Variants in ABRAXAS1 observed in about 807,000 individuals in gnomAD.
The protein encoded by ABRAXAS1 is abraxas 1, BRCA1 A complex subunit, also known as BRCA1-A complex subunit Abraxas 1.
A neutral mutation model predicts 38.4 loss-of-function variants in ABRAXAS1; 26 were observed. The observed-to-expected ratio is 0.68, with a 90% CI of 0.50 to 0.94. ABRAXAS1 has a LOEUF of 0.94. Among genes scored for constraint, ABRAXAS1 ranks in the 40% least tolerant of loss-of-function variants. The pLI, the probability that ABRAXAS1 is intolerant of heterozygous loss-of-function variation, is 0.00. For missense variants in ABRAXAS1, 438 were observed against 481.9 expected (o/e 0.91, Z 0.85); for synonymous variants, 144 against 165.5 (o/e 0.87, Z 1.00).
At chr4:83,479,018 C>G (rs945883545) in intron 2 of ABRAXAS1, 4 of 152,172 alleles carry the variant, frequency 2.6e-5, no homozygotes, top group African/African-American at 9.7e-5. Flanking sequence ...TACTTAACCT[C>G]TTTTGTAATT....
rs1380216707 is a variant in ABRAXAS1, at chr4:83,469,097, C to A, written c.531G>T (p.Leu177=). The A allele has an allele frequency of 6.2e-7, 1 of 1,613,784 alleles. No homozygotes were observed. The highest frequency in any genetic ancestry group is 8.5e-7 in the Non-Finnish European group (1 of 1,179,924). ...VVANLGMSEQ[L]GYKTVSGSCM... ...AGGAACCTGATACAGTTTTATAACC[C>A]AGTTGTTCAGACATGCCCAGATTGG... Residue 177 remains leucine (L), a synonymous_variant, in exon 6 of 9, where the codon CTG becomes CTT. Transcript: ENST00000321945.
At chr4:83,482,332 T>C in intron 1 of ABRAXAS1, 88 bp from the exon 2 acceptor site, 1 of 736,224 alleles carries the variant, frequency 1.4e-6, no homozygotes, top group South Asian at 1.8e-5. Flanking sequence ...TTTTACTATG[T>C]ATACAATATG....
At position 83,462,918 on chromosome 4, in the gene ABRAXAS1, T is replaced by C; in HGVS notation, c.797-16A>G. ...TTCTTCTCTCCTAAACAAAATAGAA[T>C]AACAGTTCAACATATAACATTTCTT... On this transcript the variant is annotated splice_polypyrimidine_tract_variant and intron_variant, in intron 8 of 8. Transcript: ENST00000321945. The C allele has an allele frequency of 4.7e-6, 7 of 1,497,310 alleles. No homozygotes were observed. Among genetic ancestry groups the C allele is most frequent in the Non-Finnish European group, 6.3e-6 (7 of 1,111,906 alleles). 92.8% of individuals were successfully genotyped at this position (1,497,310 alleles called of 1,614,324 possible). A position where few individuals can be genotyped will look rare whatever the true frequency, so the allele number is the denominator to read the frequency against.
In ABRAXAS1 at chr4:83,462,467, G is replaced by C. The variant is rs756946633; in HGVS notation, c.*2C>G. ...AAAAATCTCCTTGTAAGGTTAAAAGGATCAAAATGTAGGAGACCGTGAATA... is the reference window on the plus strand; with the variant it reads ...AAAAATCTCCTTGTAAGGTTAAAAGCATCAAAATGTAGGAGACCGTGAATA... On this transcript the variant is annotated 3_prime_UTR_variant, in exon 9 of 9. Transcript: ENST00000321945. The C allele has an allele frequency of 2.5e-6, 4 of 1,602,980 alleles. No homozygotes were observed. Among genetic ancestry groups the C allele is most frequent in the South Asian group, 1.1e-5 (1 of 89,120 alleles).
At chr4:83,479,228 C>A (rs1034601719) in intron 2 of ABRAXAS1, 3 of 151,970 alleles carry the variant, frequency 2.0e-5, no homozygotes, top group African/African-American at 7.3e-5. Context: ...GATGGCAAAG[C>A]CCCATCTCTA....
intron 3 of ABRAXAS1, 54 bp downstream of exon 3, chr4:83,476,589 T>C: frequency 8.3e-7 from 1 of 1,209,270 alleles, no homozygotes; most frequent in African/African-American, 1.5e-5. Flanking sequence ...ACTATTTCAC[T>C]TGCAGAGAGT....
chr4:83,473,740 C>T (rs1035962459), intron 3 of ABRAXAS1, among the ~76,000 whole-genome samples: 1 of 151,780 alleles, frequency 6.6e-6, no homozygotes, highest in Non-Finnish European at 1.5e-5. Context: ...GTCTCCAACT[C>T]CCTGAGCTCA....
At position 83,476,601 on chromosome 4, in the gene ABRAXAS1, A is replaced by G. The variant is rs746122041; in HGVS notation, c.215+42T>C. The G allele has an allele frequency of 4.4e-6, 6 of 1,365,906 alleles. No individual in the cohort carries two copies. The African/African-American group carries it at 8.6e-5, about 20-fold the overall frequency. 84.6% of individuals were successfully genotyped at this position (1,365,906 alleles called of 1,614,324 possible). On this transcript the variant is annotated intron_variant, in intron 3 of 8. Transcript: ENST00000321945. The stretch of plus-strand genomic sequence containing the variant: ...AAAACTATTTCACTTGCAGAGAGTA[A>G]TTTTCACAATGGATCATTTACTTAC...
At chr4:83,463,416 G>A (rs1346076454) in intron 8 of ABRAXAS1, 78 bp downstream of exon 8, 2 of 1,042,710 alleles carry the variant, frequency 1.9e-6, no homozygotes, top group Non-Finnish European at 2.8e-6. Flanking sequence ...CTAGGCGACA[G>A]AGCGAGACTC....
chr4:83,467,425 T>C, intron 7 of ABRAXAS1, 29 bp downstream of exon 7: 2 of 1,167,724 alleles, frequency 1.7e-6, no homozygotes, highest in Non-Finnish European at 2.6e-6. Flanking sequence ...TATCTAGAAG[T>C]GGTTGACGTG....
rs770303098 is a variant in ABRAXAS1 at position 83,463,481 on chromosome 4, G to A, written c.796+13C>T. On this transcript the variant is annotated intron_variant, in intron 8 of 8. Transcript: ENST00000321945. ...TTTTTAGCACAGAAAGTAGAGATGT[G>A]TTGTTTACTTACTTGCTGCCTGAAT... 6 of 1,534,022 alleles carry A rather than the reference G, an allele frequency of 3.9e-6. No homozygotes were observed. Among genetic ancestry groups the A allele is most frequent in the Admixed American group, 1.8e-5 (1 of 54,186 alleles).
chr4:83,465,157 G>A (rs1390400416), intron 7 of ABRAXAS1, among the ~76,000 whole-genome samples: 3 of 151,834 alleles, frequency 2.0e-5, no homozygotes, highest in Non-Finnish European at 4.4e-5. Flanking sequence ...TTAGCCTGGC[G>A]TAGTGGTGGG....
intron 2 of ABRAXAS1, chr4:83,478,105 T>A (rs759648465): frequency 3.9e-5 from 33 of 851,716 alleles, no homozygotes; most frequent in Non-Finnish European, 6.4e-5. Context: ...CAGTCTATGA[T>A]TTTACTAAGA....
At position 83,462,433 on chromosome 4, in the gene ABRAXAS1, G is replaced by C; in HGVS notation, c.*36C>G. On this transcript the variant is annotated 3_prime_UTR_variant, in exon 9 of 9. Coordinates refer to ENST00000321945, the MANE Select transcript of ABRAXAS1 (RefSeq NM_139076.3). ...TAGAAATGTTTGGCTTTACCCATCA[G>C]CCAAATAAAAAAATCTCCTTGTAAG... 6.5e-7 allele frequency: 1 copy of C among 1,545,620 alleles called. No individual in the cohort carries two copies. The highest frequency in any genetic ancestry group is 1.2e-5 in the South Asian group (1 of 80,678).
chr4:83,461,371 T>C lies in ABRAXAS1; in HGVS notation c.*1098A>G. 1.7e-6 allele frequency: 1 copy of C among 578,742 alleles called. No homozygotes were observed. Among genetic ancestry groups the C allele is most frequent in the Non-Finnish European group, 3.1e-6 (1 of 323,382 alleles). 35.9% of individuals were successfully genotyped at this position (578,742 alleles called of 1,614,324 possible). The stretch of plus-strand genomic sequence containing the variant: ...GATTGCTTATTTAAAATGTTAACAC[T>C]CATCACATTTTATCTATGTTGAATA... On this transcript the variant is annotated 3_prime_UTR_variant, in exon 9 of 9. Transcript: ENST00000321945.
chr4:83,468,311 GA>G (rs56262938), intron 6 of ABRAXAS1, among the ~76,000 whole-genome samples: 68,974 of 123,954 alleles, frequency 0.56, 18,290 homozygotes, highest in African/African-American at 0.75. Flanking sequence ...GTCTTTAAAA[GA>G]AAAAAAAAAA....
chr4:83,459,871 A>G lies in ABRAXAS1; in HGVS notation c.*2598T>C. ...CAATCTATTTCTATCATTTAAGAAA[A>G]CTCAAATTTTCAAATTGTGCTATAA... is the stretch of plus-strand genomic sequence containing the variant. On this transcript the variant is annotated 3_prime_UTR_variant, in exon 9 of 9. Coordinates refer to ENST00000321945, the MANE Select transcript of ABRAXAS1 (RefSeq NM_139076.3). The G allele has an allele frequency of 1.5e-6, 2 of 1,322,278 alleles. No homozygotes were observed. The highest frequency in any genetic ancestry group is 2.6e-5 in the South Asian group (2 of 75,800). 81.9% of individuals were successfully genotyped at this position (1,322,278 alleles called of 1,614,324 possible).
rs112962421 is a variant in ABRAXAS1 at position 83,481,171 on chromosome 4, G to A, written c.178+983C>T. 9.0e-3 allele frequency among the ~76,000 whole-genome samples: 1,373 copies of A among 151,722 alleles called. 17 individuals carry two copies. The highest frequency in any genetic ancestry group is 0.031 in the African/African-American group (1,294 of 41,388). On this transcript the variant is annotated intron_variant, in intron 2 of 8. Transcript: ENST00000321945. ...AAGAAATGAAAAATAATATTGTAGA[G>A]GATTATGCAACATTGTAAAGTGATC... is the stretch of plus-strand genomic sequence containing the variant.
intron 2 of ABRAXAS1, chr4:83,477,509 G>C (rs1368602652): frequency 2.5e-6 from 1 of 407,594 alleles, no homozygotes; most frequent in Non-Finnish European, 4.7e-6. Context: ...CCAGTCATCT[G>C]ATGAGCCTGA....
Sources: gnomAD v4.1 joint callset for allele counts (sites outside exome capture counted in the v4.1 genomes callset) on GRCh38, gnomAD v4.1.1 for gene constraint, MANE v1.5 for transcripts, NCBI Gene and HGNC (gene_info 2026-07-23, HGNC 2026-07-21) for gene names.